Variants in LYST observed in about 807,000 individuals in gnomAD.
LYST encodes lysosomal-trafficking regulator.
Under a neutral mutation model 413.6 loss-of-function variants are expected in LYST, and 192 were observed. That is an observed-to-expected ratio of 0.46 (90% CI 0.41 to 0.52). The LOEUF is 0.52. Among genes scored for constraint, LYST ranks in the 20% least tolerant of loss-of-function variants. The pLI is 0.00. For synonymous variants in LYST, 1,525 were observed against 1,567.3 expected (o/e 0.97, Z 0.64); for missense variants, 3,815 against 4,499.9 (o/e 0.85, Z 4.35).
At chr1:235,710,108 T>G (rs1662295934) in intron 43 of LYST, among the ~76,000 whole-genome samples, 1 of 152,216 alleles carries the variant, frequency 6.6e-6, no homozygotes, top group African/African-American at 2.4e-5. Context: ...TTTTAAAAGC[T>G]GATTAAGTTC....
At position 235,702,679 on chromosome 1, in the gene LYST, G is replaced by A; in HGVS notation, c.10374+68C>T. The A allele has an allele frequency of 3.9e-6, 5 of 1,280,376 alleles. No individual in the cohort carries two copies. In the South Asian group the frequency reaches 5.9e-5, roughly 15 times the overall value. The allele number at this position is 1,280,376 out of a possible 1,614,324, so 79.3% of individuals were successfully genotyped here. A position where few individuals can be genotyped will look rare whatever the true frequency, so the allele number is the denominator to read the frequency against. Reference sequence around the variant, plus strand: ...CAGGACCATGCTATTCATCACCTGGGAGAGTGCCTGGCATCACAAGAGTCT... The same window carrying A: ...CAGGACCATGCTATTCATCACCTGGAAGAGTGCCTGGCATCACAAGAGTCT... On this transcript the variant is annotated intron_variant, in intron 45 of 52. Transcript: ENST00000389793.
Position 235,806,781 on chromosome 1 carries a change from GA to G in LYST, c.2364-10del. 1.9e-6 allele frequency: 3 copies of G among 1,583,068 alleles called. No individual in the cohort carries two copies. The highest frequency in any genetic ancestry group is 1.7e-6 in the Non-Finnish European group (2 of 1,155,254). ...ACAAATCTCTTATTACCCTGTGAAA[GA>G]AAAAAAGCATGTAAAAAGGTTTAAA... On this transcript the variant is annotated splice_polypyrimidine_tract_variant and intron_variant, in intron 5 of 52. Coordinates refer to ENST00000389793, the MANE Select transcript of LYST (RefSeq NM_000081.4).
At chr1:235,762,634 T>C in intron 22 of LYST, 86 bp downstream of exon 22, 2 of 1,385,800 alleles carry the variant, frequency 1.4e-6, no homozygotes, top group East Asian at 2.5e-5. Context: ...GTACTACATA[T>C]ACTTCTAAAA....
upstream of LYST, among the ~76,000 whole-genome samples, chr1:235,867,288 G>T (rs965837753): frequency 1.3e-5 from 2 of 152,168 alleles, no homozygotes; most frequent in African/African-American, 2.4e-5. Context: ...AAACACAAGC[G>T]CATCGTCCGC....
At chr1:235,671,113 T>G (rs1658908371) in intron 50 of LYST, among the ~76,000 whole-genome samples, 1 of 152,176 alleles carries the variant, frequency 6.6e-6, no homozygotes, top group Admixed American at 6.5e-5. Flanking sequence ...AATTTTTGTA[T>G]TTTTAGTAGA....
chr1:235,807,132 C>A (rs1221050177), intron 5 of LYST, among the ~76,000 whole-genome samples: 2 of 152,184 alleles, frequency 1.3e-5, no homozygotes, highest in Non-Finnish European at 2.9e-5. Context: ...GAGGTGGACA[C>A]CCTGAGGGCA....
chr1:235,675,460 G>A (rs937407641), intron 50 of LYST, among the ~76,000 whole-genome samples: 9 of 152,252 alleles, frequency 5.9e-5, no homozygotes, highest in Admixed American at 1.3e-4. Flanking sequence ...GTGCTCTTAC[G>A]ATCGGTCGGT....
At chr1:235,870,826 A>T (rs1397176635), upstream of LYST, among the ~76,000 whole-genome samples, 2 of 152,222 alleles carry the variant, frequency 1.3e-5, no homozygotes, top group Non-Finnish European at 2.9e-5. Context: ...AAATTAAGAA[A>T]ATTTTGTTGA....
rs1206874295 is a variant in LYST, at chr1:235,773,449, T to C, written c.5784+393A>G. Among the ~76,000 whole-genome samples, 10 of 152,254 alleles carry C rather than the reference T, an allele frequency of 6.6e-5. No homozygotes were observed. The East Asian group carries it at 1.9e-3, about 29-fold the overall frequency. ...GGATAAGCAAAATGTGATAAATATA[T>C]AGAACGGAATATTATTCATTCTTAA... is the stretch of plus-strand genomic sequence containing the variant. On this transcript the variant is annotated intron_variant, in intron 19 of 52. Coordinates refer to ENST00000389793, the MANE Select transcript of LYST (RefSeq NM_000081.4).
intron 5 of LYST, 57 bp from the exon 6 acceptor site, chr1:235,806,829 T>C (rs1672897133): frequency 1.1e-5 from 12 of 1,084,208 alleles, no homozygotes; most frequent in African/African-American, 1.6e-5. Flanking sequence ...CATTTATAAA[T>C]AGGTACATAT....
chr1:235,719,771 C>T (rs1044372009), intron 40 of LYST, among the ~76,000 whole-genome samples: 1 of 151,976 alleles, frequency 6.6e-6, no homozygotes, highest in Admixed American at 6.6e-5. Context: ...AACCAAACGA[C>T]GTCATGGGAA....
intron 28 of LYST, among the ~76,000 whole-genome samples, chr1:235,747,572 A>G (rs1558183899): frequency 6.6e-6 from 1 of 152,146 alleles, no homozygotes; most frequent in African/African-American, 2.4e-5. Flanking sequence ...TATCCTGTAT[A>G]TATTCAAGAG....
intron 10 of LYST, among the ~76,000 whole-genome samples, chr1:235,799,811 C>T (rs1041667389): frequency 2.6e-5 from 4 of 151,726 alleles, no homozygotes; most frequent in African/African-American, 9.7e-5. Flanking sequence ...TCTAGATTTT[C>T]CTCTCTATAA....
chr1:235,677,345 C>A, intron 49 of LYST, 135 bp downstream of exon 49: 1 of 1,125,962 alleles, frequency 8.9e-7, no homozygotes, highest in Admixed American at 1.8e-5. Context: ...AATAGGTAAT[C>A]TTACTACCTT....
chr1:235,794,442 T>C (rs189332078), intron 10 of LYST, among the ~76,000 whole-genome samples: 1 of 152,344 alleles, frequency 6.6e-6, no homozygotes, highest in African/African-American at 2.4e-5. Flanking sequence ...TTCATAGAAT[T>C]CTTTGGAGCA....
intron 19 of LYST, among the ~76,000 whole-genome samples, chr1:235,773,346 A>C (rs953120024): frequency 3.3e-5 from 5 of 152,060 alleles, no homozygotes; most frequent in African/African-American, 1.2e-4. Flanking sequence ...AAAGCAAACA[A>C]ACAAAAAAAC....
upstream of LYST, among the ~76,000 whole-genome samples, chr1:235,871,569 A>C (rs754879925): frequency 1.3e-5 from 2 of 152,276 alleles, no homozygotes; most frequent in Non-Finnish European, 2.9e-5. Flanking sequence ...GTAACATAGG[A>C]AAATAACAAT....
In LYST at chr1:235,801,046, T is replaced by A; in HGVS notation, c.3764A>T (p.Asn1255Ile). 1 of 1,613,576 alleles carries A rather than the reference T, an allele frequency of 6.2e-7. No individual in the cohort carries two copies. Among genetic ancestry groups the A allele is most frequent in the Non-Finnish European group, 8.5e-7 (1 of 1,179,668 alleles). The change falls in exon 9 of 53, where the codon AAT becomes ATT. Residue 1255 changes from asparagine (N) to isoleucine (I), a missense_variant. Physicochemically the swap from Asn to Ile is moderately radical, Grantham distance 149. Around this residue, in one of 4 missense-constraint regions of LYST, gnomAD observed 1,648 missense variants for 1,810.3 expected, o/e 0.91. Transcript: ENST00000389793. ...TTGAGTGAGGTTTTCGAGTAAGTCATTTGGACTGCTTGATGCACTGAAACC... is the reference window on the plus strand; with the variant it reads ...TTGAGTGAGGTTTTCGAGTAAGTCAATTGGACTGCTTGATGCACTGAAACC... ...TEGFSASSSP[N>I]DLLENLTQGE...
At chr1:235,753,346 G>A in intron 25 of LYST, 72 bp from the exon 26 acceptor site, 3 of 920,846 alleles carry the variant, frequency 3.3e-6, no homozygotes, top group Non-Finnish European at 5.3e-6. Flanking sequence ...AGCAACTATG[G>A]GTCATCTTGC....
Sources: allele counts gnomAD v4.1 joint callset (sites outside exome capture counted in the v4.1 genomes callset), GRCh38; gene constraint gnomAD v4.1.1; regional missense constraint gnomAD v4.1.1; transcripts MANE v1.5; gene names NCBI Gene and HGNC (gene_info 2026-07-23, HGNC 2026-07-21).